Variants in ADGRB3 observed in about 807,000 individuals in gnomAD.
ADGRB3 encodes the protein adhesion G protein-coupled receptor B3, also known as brain-specific angiogenesis inhibitor 3.
A neutral mutation model predicts 193.4 loss-of-function variants in ADGRB3; 37 were observed. The ratio of observed to expected loss-of-function variants is 0.19; its 90% CI spans 0.15 to 0.25. The LOEUF (loss-of-function observed/expected upper bound fraction) is 0.25, where lower values mean the gene tolerates loss of function less well. ADGRB3 is among the 10% of genes least tolerant of loss of function. The probability of loss-of-function intolerance (pLI) is 1.00; values close to 1 mark genes in which losing one functional copy is unlikely to be tolerated. For synonymous variants in ADGRB3, 690 were observed against 644.2 expected (o/e 1.07, Z -1.08); for missense variants, 1,637 against 1,852.9 (o/e 0.88, Z 2.14).
intron 17 of ADGRB3, among the ~76,000 whole-genome samples, chr6:69,127,035 G>T (rs1239199229): frequency 1.3e-5 from 2 of 152,208 alleles, no homozygotes; most frequent in Non-Finnish European, 2.9e-5. Flanking sequence ...AGAGAGAAGA[G>T]AACTTTTGAG....
chr6:69,206,292 G>C (rs751331035), intron 17 of ADGRB3, among the ~76,000 whole-genome samples: 8 of 151,858 alleles, frequency 5.3e-5, no homozygotes, highest in Non-Finnish European at 1.2e-4. Flanking sequence ...TATTCTAGCT[G>C]CGCTGGCAAC....
intron 17 of ADGRB3, among the ~76,000 whole-genome samples, chr6:69,166,161 A>G (rs1437571724): frequency 6.6e-6 from 1 of 152,104 alleles, no homozygotes; most frequent in African/African-American, 2.4e-5. Flanking sequence ...ATTTTTTGGT[A>G]CCAGGGCAGC....
intron 3 of ADGRB3, among the ~76,000 whole-genome samples, chr6:68,693,057 C>G (rs1253235413): frequency 1.3e-5 from 2 of 151,582 alleles, no homozygotes; most frequent in African/African-American, 4.8e-5. Flanking sequence ...ATTGAATTGT[C>G]TTGCAATTTA....
At chr6:69,314,663 A>G (rs1049814809) in intron 20 of ADGRB3, among the ~76,000 whole-genome samples, 3 of 151,608 alleles carry the variant, frequency 2.0e-5, no homozygotes, top group Admixed American at 1.3e-4. Context: ...GATATTTTCC[A>G]TAACATCCAA....
intron 20 of ADGRB3, among the ~76,000 whole-genome samples, chr6:69,324,307 T>C (rs1417237091): frequency 2.0e-5 from 3 of 152,172 alleles, no homozygotes; most frequent in Non-Finnish European, 4.4e-5. Context: ...AAATACATAT[T>C]TTATTTTTGT....
intron 26 of ADGRB3, among the ~76,000 whole-genome samples, chr6:69,350,764 A>G (rs1769204229): frequency 6.6e-6 from 1 of 151,666 alleles, no homozygotes; most frequent in African/African-American, 2.4e-5. Flanking sequence ...AATCTGTCTT[A>G]TTTTATTTTA....
intron 19 of ADGRB3, among the ~76,000 whole-genome samples, chr6:69,237,505 A>C (rs1380052169): frequency 1.3e-5 from 2 of 152,058 alleles, no homozygotes; most frequent in Admixed American, 1.3e-4. Context: ...GCATTCTTAA[A>C]TTTTGTTTAA....
intron 15 of ADGRB3, among the ~76,000 whole-genome samples, chr6:69,055,203 A>G (rs543343985): frequency 7.5e-4 from 115 of 152,338 alleles, no homozygotes; most frequent in Admixed American, 3.3e-3. Context: ...GTACAGTACA[A>G]TGTTAACTAT....
At chr6:68,652,631 A>C (rs1768394338) in intron 3 of ADGRB3, among the ~76,000 whole-genome samples, 1 of 152,128 alleles carries the variant, frequency 6.6e-6, no homozygotes, top group Non-Finnish European at 1.5e-5. Context: ...AATCCTTTAA[A>C]ATTTTTAAGT....
intron 3 of ADGRB3, among the ~76,000 whole-genome samples, chr6:68,746,233 A>G (rs1766081457): frequency 6.6e-6 from 1 of 151,996 alleles, no homozygotes; most frequent in South Asian, 2.1e-4. Flanking sequence ...TTTTTAATAT[A>G]TCACATTACT....
intron 17 of ADGRB3, among the ~76,000 whole-genome samples, chr6:69,076,520 A>G (rs1442393896): frequency 2.0e-5 from 3 of 152,016 alleles, no homozygotes; most frequent in African/African-American, 2.4e-5. Context: ...TTAATTTTTT[A>G]TTTGTATATT....
chr6:69,128,911 G>A (rs1773926638), intron 17 of ADGRB3, among the ~76,000 whole-genome samples: 1 of 152,130 alleles, frequency 6.6e-6, no homozygotes, highest in Non-Finnish European at 1.5e-5. Context: ...TGCAGAATTA[G>A]CACTGAGACA....
chr6:68,685,034 G>C (rs959155347), intron 3 of ADGRB3, among the ~76,000 whole-genome samples: 1 of 151,964 alleles, frequency 6.6e-6, no homozygotes, highest in Non-Finnish European at 1.5e-5. Flanking sequence ...CAGACTAAAA[G>C]TTTTCAACAT....
At chr6:69,299,820 C>A (rs879804825) in intron 20 of ADGRB3, among the ~76,000 whole-genome samples, 7 of 151,762 alleles carry the variant, frequency 4.6e-5, no homozygotes, top group Non-Finnish European at 8.8e-5. Context: ...TAGCATGATA[C>A]CTCCAGCTTT....
At position 68,780,547 on chromosome 6, in the gene ADGRB3, AT is replaced by A. The variant is rs1766833022; in HGVS notation, c.757+141117del. ...CTTGAGAGTACATGTTTGTGGAGTG[AT>A]TAAGAAATGGATGAGCACCTTATTT... On this transcript the variant is annotated intron_variant, in intron 3 of 31. Coordinates refer to ENST00000370598, the MANE Select transcript of ADGRB3 (RefSeq NM_001704.3). Among the ~76,000 whole-genome samples the A allele has an allele frequency of 3.9e-5, 6 of 152,238 alleles. No homozygotes were observed. The South Asian group carries it at 1.2e-3, about 32-fold the overall frequency.
At chr6:68,982,161 C>CTT (rs1768936953) in intron 10 of ADGRB3, among the ~76,000 whole-genome samples, 1 of 152,014 alleles carries the variant, frequency 6.6e-6, no homozygotes, top group South Asian at 2.1e-4. Context: ...ATTTATAACT[C>CTT]TAAGATCTGC....
intron 3 of ADGRB3, among the ~76,000 whole-genome samples, chr6:68,722,335 G>A (rs1765598578): frequency 6.6e-6 from 1 of 151,706 alleles, no homozygotes; most frequent in African/African-American, 2.4e-5. Context: ...CGGGGCGGGG[G>A]TTGTGTAGGG....
chr6:69,056,466 CTTTGT>C (rs1476499581), intron 15 of ADGRB3, among the ~76,000 whole-genome samples: 1 of 152,016 alleles, frequency 6.6e-6, no homozygotes, highest in East Asian at 1.9e-4. Context: ...ACAAAAGTTA[CTTTGT>C]TTTGTTTTTT....
intron 17 of ADGRB3, among the ~76,000 whole-genome samples, chr6:69,215,036 C>A (rs913194239): frequency 4.0e-5 from 6 of 151,872 alleles, no homozygotes; most frequent in Admixed American, 1.3e-4. Flanking sequence ...GAGGGACATT[C>A]CACAAAATAA....
Sources: allele counts gnomAD v4.1 joint callset (sites outside exome capture counted in the v4.1 genomes callset), GRCh38; gene constraint gnomAD v4.1.1; transcripts MANE v1.5; gene names NCBI Gene and HGNC (gene_info 2026-07-23, HGNC 2026-07-21).